The following MAP2 variants were observed in gnomAD, a reference collection of about 807,000 sequenced individuals.
MAP2 encodes the protein microtubule-associated protein 2.
Under a neutral mutation model 137.6 loss-of-function variants are expected in MAP2, and 14 were observed. The ratio of observed to expected loss-of-function variants is 0.10; its 90% CI spans 0.07 to 0.16. The LOEUF is 0.16. Among genes scored for constraint, MAP2 ranks in the 10% least tolerant of loss-of-function variants. MAP2 has a pLI of 1.00. For synonymous variants in MAP2, 786 were observed against 782.3 expected, an observed-to-expected ratio of 1.00 and a Z score of -0.08; for missense variants, 2,088 against 2,191.5, an observed-to-expected ratio of 0.95 and a Z score of 0.94.
At chr2:209,675,475 A>G (rs2050912921) in intron 5 of MAP2, among the ~76,000 whole-genome samples, 1 of 151,882 alleles carries the variant, frequency 6.6e-6, no homozygotes, top group African/African-American at 2.4e-5. Context: ...TTTAAGTTGG[A>G]CATTTCTATA....
At chr2:209,557,416 TG>T (rs796617815) in intron 2 of MAP2, among the ~76,000 whole-genome samples, 3 of 151,416 alleles carry the variant, frequency 2.0e-5, no homozygotes, top group Non-Finnish European at 4.4e-5. Context: ...GAAAAAAATG[TG>T]GTTTTTTTTC....
chr2:209,560,548 T>C (rs2071796847), intron 2 of MAP2, among the ~76,000 whole-genome samples: 1 of 151,390 alleles, frequency 6.6e-6, no homozygotes, highest in Non-Finnish European at 1.5e-5. Context: ...GGTGTGCTCA[T>C]GGCCCTCTGC....
In MAP2 at chr2:209,496,323, G is replaced by T. The variant is rs575090001; in HGVS notation, c.-221-11269G>T. Among the ~76,000 whole-genome samples the T allele has an allele frequency of 9.2e-5, 14 of 152,190 alleles. No homozygotes were observed. In the South Asian group the frequency reaches 2.9e-3, roughly 32 times the overall value. The stretch of plus-strand genomic sequence containing the variant: ...GTATGGCATTCATTAAGAACAATAT[G>T]GGCTTACACATAGCCAGCACTCTAT... On this transcript the variant is annotated intron_variant, in intron 1 of 15. Coordinates refer to ENST00000682079, the MANE Select transcript of MAP2 (RefSeq NM_001375505.1).
chr2:209,428,763 C>T (rs1693294672), intron 1 of MAP2, among the ~76,000 whole-genome samples: 2 of 151,838 alleles, frequency 1.3e-5, no homozygotes, highest in South Asian at 4.1e-4. Flanking sequence ...TCTTTCATAA[C>T]GCTTTGTACC....
chr2:209,597,499 A>C (rs928104690), intron 3 of MAP2, among the ~76,000 whole-genome samples: 1 of 152,196 alleles, frequency 6.6e-6, no homozygotes, highest in African/African-American at 2.4e-5. Flanking sequence ...TAATGACTGC[A>C]ACAGCTTCCT....
At chr2:209,568,352 C>T (rs963433894) in intron 2 of MAP2, among the ~76,000 whole-genome samples, 16 of 151,812 alleles carry the variant, frequency 1.1e-4, no homozygotes, top group Non-Finnish European at 2.4e-4. Context: ...ATTTATTAAA[C>T]CATCAAAGTA....
chr2:209,633,808 G>A (rs2093323076), intron 4 of MAP2, among the ~76,000 whole-genome samples: 1 of 152,026 alleles, frequency 6.6e-6, no homozygotes, highest in African/African-American at 2.4e-5. Context: ...AACAAAATAA[G>A]GGCCACCCAT....
chr2:209,565,413 T>A (rs2073170824), intron 2 of MAP2, among the ~76,000 whole-genome samples: 1 of 151,666 alleles, frequency 6.6e-6, no homozygotes, highest in Admixed American at 6.6e-5. Flanking sequence ...AGAAACAGGG[T>A]CTCTCTATGT....
chr2:209,684,493 T>A (rs1168679519), intron 7 of MAP2: 1 of 152,160 alleles, frequency 6.6e-6, no homozygotes, highest in East Asian at 1.9e-4. Context: ...AAGTACCGAA[T>A]CACTAACATT....
intron 3 of MAP2, among the ~76,000 whole-genome samples, chr2:209,585,866 C>T (rs1483042564): frequency 6.6e-6 from 1 of 152,140 alleles, no homozygotes; most frequent in East Asian, 1.9e-4. Context: ...GGCTTTCCTC[C>T]AAGGAGGATC....
chr2:209,487,094 A>C (rs938969503), intron 1 of MAP2, among the ~76,000 whole-genome samples: 2 of 152,160 alleles, frequency 1.3e-5, no homozygotes, highest in African/African-American at 4.8e-5. Flanking sequence ...CTTTATGATA[A>C]ATAGGTCTGA....
chr2:209,630,647 T>C (rs574885042), intron 4 of MAP2, among the ~76,000 whole-genome samples: 131 of 152,086 alleles, frequency 8.6e-4, no homozygotes, highest in African/African-American at 2.4e-3. Flanking sequence ...TCCCCTTTAT[T>C]GAATTTTATT....
intron 1 of MAP2, among the ~76,000 whole-genome samples, chr2:209,492,449 G>A (rs922075788): frequency 6.6e-6 from 1 of 152,090 alleles, no homozygotes; most frequent in Non-Finnish European, 1.5e-5. Flanking sequence ...GAGCAGTCAG[G>A]CAAGATAAAG....
Position 209,694,436 on chromosome 2 carries a change from G to T in MAP2, c.2266G>T (p.Ala756Ser), listed in dbSNP as rs768646056. 5 of 1,613,978 alleles carry T rather than the reference G, an allele frequency of 3.1e-6. No individual in the cohort carries two copies. The highest frequency in any genetic ancestry group is 4.2e-6 in the Non-Finnish European group (5 of 1,179,992). The change falls in exon 8 of 16, where the codon GCC (alanine) becomes TCC (serine). Residue 756 changes from alanine (A) to serine (S), a missense_variant. Ala to Ser is a moderately conservative substitution (Grantham distance 99). Transcript: ENST00000682079. Reference protein sequence around the residue: ...LPATTPALEKAPCFPVESKEE... With the variant: ...LPATTPALEKSPCFPVESKEE... The stretch of plus-strand genomic sequence containing the variant: ...AGCCACCACACCTGCACTGGAGAAA[G>T]CCCCTTGCTTCCCTGTAGAAAGCAA...
chr2:209,530,278 C>G (rs894754728), intron 2 of MAP2, among the ~76,000 whole-genome samples: 1 of 152,110 alleles, frequency 6.6e-6, no homozygotes, highest in Non-Finnish European at 1.5e-5. Context: ...TCACATCCCA[C>G]CAGACCTTAG....
At chr2:209,442,723 G>C (rs934109748) in intron 1 of MAP2, among the ~76,000 whole-genome samples, 2 of 151,550 alleles carry the variant, frequency 1.3e-5, no homozygotes, top group East Asian at 3.9e-4. Context: ...CTTCACTGGT[G>C]TTCTGCAGGC....
intron 1 of MAP2, among the ~76,000 whole-genome samples, chr2:209,464,595 A>G (rs1461218231): frequency 6.6e-6 from 1 of 152,114 alleles, no homozygotes; most frequent in African/African-American, 2.4e-5. Context: ...ATATTAAACT[A>G]TACATGATTG....
chr2:209,513,446 T>G (rs1177722159), intron 2 of MAP2, among the ~76,000 whole-genome samples: 1 of 152,156 alleles, frequency 6.6e-6, no homozygotes, highest in African/African-American at 2.4e-5. Flanking sequence ...TAGGAAATGC[T>G]TATATAATGA....
At chr2:209,494,126 C>G (rs1351377895) in intron 1 of MAP2, among the ~76,000 whole-genome samples, 1 of 151,948 alleles carries the variant, frequency 6.6e-6, no homozygotes, top group African/African-American at 2.4e-5. Context: ...AGTTCATGTC[C>G]TTTGCAGGGT....
Sources: allele counts gnomAD v4.1 joint callset (sites outside exome capture counted in the v4.1 genomes callset), GRCh38; gene constraint gnomAD v4.1.1; transcripts MANE v1.5; gene names NCBI Gene and HGNC (gene_info 2026-07-23, HGNC 2026-07-21).